Variants in HOXD11 observed in about 807,000 individuals in gnomAD.
HOXD11 encodes the protein homeobox protein Hox-D11.
In HOXD11, 16 loss-of-function variants were observed where a neutral mutation model predicts 23.1. The ratio of observed to expected loss-of-function variants is 0.69; its 90% CI spans 0.47 to 1.05. The LOEUF (loss-of-function observed/expected upper bound fraction) is 1.05. Among genes scored for constraint, HOXD11 ranks in the 50% least tolerant of loss-of-function variants. HOXD11 has a pLI of 0.00. For synonymous variants in HOXD11, 262 were observed against 224.4 expected (o/e 1.17, Z -1.50); for missense variants, 564 against 495.6 (o/e 1.14, Z -1.31).
the HOXD11 span, among the ~76,000 whole-genome samples, chr2:176,115,343 C>A: frequency 6.6e-6 from 1 of 152,162 alleles, no homozygotes; most frequent in East Asian, 1.9e-4. Flanking sequence ...CAACTTCTGA[C>A]AAAAGTATAG....
chr2:176,109,447 G>C lies in HOXD11; in HGVS notation c.*305G>C. On this transcript the variant is annotated 3_prime_UTR_variant, in exon 2 of 2. Coordinates refer to ENST00000249504, the MANE Select transcript of HOXD11 (RefSeq NM_021192.3). ...CGAGTCCTCGTGGGGACACGGCGGGGTCTGTAGGAAGTTGGGCCGGGTTGG... is the reference window on the plus strand; with the variant it reads ...CGAGTCCTCGTGGGGACACGGCGGGCTCTGTAGGAAGTTGGGCCGGGTTGG... The C allele has an allele frequency of 2.8e-6, 1 of 354,378 alleles. No individual in the cohort carries two copies. The highest frequency in any genetic ancestry group is 5.2e-6 in the Non-Finnish European group (1 of 193,540). The allele number at this position is 354,378 out of a possible 1,614,324, so 22.0% of individuals were successfully genotyped here.
At position 176,107,691 on chromosome 2, in the gene HOXD11, GGCGGCT is replaced by G; in HGVS notation, c.342_347del (p.Ala119_Ala120del). 1.0e-6 allele frequency: 1 copy of G among 1,003,458 alleles called. No homozygotes were observed. The highest frequency in any genetic ancestry group is 1.2e-6 in the Non-Finnish European group (1 of 844,780). 62.2% of individuals were successfully genotyped at this position (1,003,458 alleles called of 1,614,324 possible). On this transcript the variant is annotated inframe_deletion, in exon 1 of 2. Coordinates refer to ENST00000249504, the MANE Select transcript of HOXD11 (RefSeq NM_021192.3). ...CTCCCTACTACGCGGCGGCGGCGGC[GGCGGCT>G]GCGGCGGCCGCGGCGGCCGAGGAGG... is the stretch of plus-strand genomic sequence containing the variant.
Position 176,107,936 on chromosome 2 carries a change from A to G in HOXD11, c.581A>G (p.Gln194Arg). Residue 194 changes from glutamine (Q) to arginine (R), a missense_variant, in exon 1 of 2, where the codon CAG (glutamine) becomes CGG (arginine). Coordinates refer to ENST00000249504, the MANE Select transcript of HOXD11 (RefSeq NM_021192.3). ...CCCGGGCCCCCGTTCGCCGGGCCGC[A>G]GCCCCCGCCGCCACCCGCGCCGCCA... ...AAPGPPFAGPQPPPPPAPPQP... is the reference protein window; with the variant it reads ...AAPGPPFAGPRPPPPPAPPQP... 7.1e-7 allele frequency: 1 copy of G among 1,411,844 alleles called. No homozygotes were observed. The highest frequency in any genetic ancestry group is 1.5e-5 in the South Asian group (1 of 66,152). The allele number at this position is 1,411,844 out of a possible 1,614,324, so 87.5% of individuals were successfully genotyped here.
downstream of HOXD11, among the ~76,000 whole-genome samples, chr2:176,113,205 C>G (rs1210178146): frequency 1.3e-5 from 2 of 152,132 alleles, no homozygotes; most frequent in African/African-American, 4.8e-5. Flanking sequence ...GCTCTGTCCC[C>G]AAAGAGTGAC....
chr2:176,113,705 T>C (rs1468276546), downstream of HOXD11, among the ~76,000 whole-genome samples: 4 of 152,228 alleles, frequency 2.6e-5, no homozygotes, highest in Non-Finnish European at 5.9e-5. Flanking sequence ...TGACAGTCTC[T>C]TGTCTCAAGG....
chr2:176,107,399 A>G lies in HOXD11; in HGVS notation c.44A>G (p.Tyr15Cys). Reference protein sequence around the residue: ...DECGQSAASMYLPGCAYYVAP... With the variant: ...DECGQSAASMCLPGCAYYVAP... ...TGCGGCCAGAGCGCAGCCAGCATGT[A>G]CCTGCCGGGCTGCGCCTACTATGTG... Residue 15 changes from tyrosine to cysteine, a missense_variant, in exon 1 of 2, where the codon TAC (tyrosine) becomes TGC (cysteine). Tyr to Cys is a radical substitution (Grantham distance 194). Coordinates refer to ENST00000249504, the MANE Select transcript of HOXD11 (RefSeq NM_021192.3). 1 of 1,613,218 alleles carries G rather than the reference A, an allele frequency of 6.2e-7. No homozygotes were observed. Among genetic ancestry groups the G allele is most frequent in the South Asian group, 1.1e-5 (1 of 90,956 alleles).
chr2:176,113,558 G>T (rs1214050134), downstream of HOXD11, among the ~76,000 whole-genome samples: 1 of 152,162 alleles, frequency 6.6e-6, no homozygotes, highest in Non-Finnish European at 1.5e-5. Context: ...GGCCTGTAGA[G>T]CACGGCCTTT....
chr2:176,108,862 G>T (rs373363617), intron 1 of HOXD11, 45 bp from the exon 2 acceptor site: 1 of 1,439,132 alleles, frequency 6.9e-7, no homozygotes, highest in Non-Finnish European at 9.7e-7. Flanking sequence ...GGTGGGGGCT[G>T]TCAGGCAGCG....
In HOXD11 at chr2:176,109,625, G is replaced by A. The variant is rs1402321100; in HGVS notation, c.*483G>A. 1 of 222,090 alleles carries A rather than the reference G, an allele frequency of 4.5e-6. No homozygotes were observed. Among genetic ancestry groups the A allele is most frequent in the African/African-American group, 2.3e-5 (1 of 44,334 alleles). The allele number at this position is 222,090 out of a possible 1,614,324, so 13.8% of individuals were successfully genotyped here. ...CTGTCTTTTTTTGTGTGAATAAATG[G>A]TTTCTAGTAAAATGGAGGTTACAGC... On this transcript the variant is annotated 3_prime_UTR_variant, in exon 2 of 2. Transcript: ENST00000249504.
In HOXD11 at chr2:176,109,457, A is replaced by G. The variant is rs1689645653; in HGVS notation, c.*315A>G. The G allele has an allele frequency of 3.0e-6, 1 of 337,824 alleles. No individual in the cohort carries two copies. Among genetic ancestry groups the G allele is most frequent in the Non-Finnish European group, 5.4e-6 (1 of 183,638 alleles). The allele number at this position is 337,824 out of a possible 1,614,324, so 20.9% of individuals were successfully genotyped here. ...TGGGGACACGGCGGGGTCTGTAGGA[A>G]GTTGGGCCGGGTTGGGGGTTGCTAG... is the stretch of plus-strand genomic sequence containing the variant. On this transcript the variant is annotated 3_prime_UTR_variant, in exon 2 of 2. Transcript: ENST00000249504.
In HOXD11 at chr2:176,107,556, C is replaced by A. The variant is rs2105387106; in HGVS notation, c.201C>A (p.Gly67=). ...PVREVAFRDY[G]LERAKWPYRG... is the part of the protein sequence containing the mutation. ...GCGAAGTGGCCTTCCGCGACTACGGCCTGGAGCGCGCCAAGTGGCCGTACC... is the reference window on the plus strand; with the variant it reads ...GCGAAGTGGCCTTCCGCGACTACGGACTGGAGCGCGCCAAGTGGCCGTACC... Residue 67 remains glycine (G), a synonymous_variant, in exon 1 of 2, where the codon GGC becomes GGA. Coordinates refer to ENST00000249504, the MANE Select transcript of HOXD11 (RefSeq NM_021192.3). 6.3e-7 allele frequency: 1 copy of A among 1,596,702 alleles called. No individual in the cohort carries two copies. The highest frequency in any genetic ancestry group is 8.5e-7 in the Non-Finnish European group (1 of 1,172,026).
downstream of HOXD11, among the ~76,000 whole-genome samples, chr2:176,114,733 C>T (rs1400681859): frequency 6.6e-6 from 1 of 152,170 alleles, no homozygotes; most frequent in Non-Finnish European, 1.5e-5. Context: ...AATGCTGAGG[C>T]GCTTTAATGA....
downstream of HOXD11, among the ~76,000 whole-genome samples, chr2:176,113,605 G>A (rs1216827414): frequency 6.6e-6 from 1 of 152,114 alleles, no homozygotes; most frequent in Non-Finnish European, 1.5e-5. Flanking sequence ...TAGAGTCTTA[G>A]GCACACTTTC....
downstream of HOXD11, among the ~76,000 whole-genome samples, chr2:176,112,739 C>T (rs533551889): frequency 6.6e-6 from 1 of 152,360 alleles, no homozygotes; most frequent in African/African-American, 2.4e-5. Context: ...GCGGCCCCAG[C>T]GGCTGCACAT....
intron 1 of HOXD11, chr2:176,108,700 C>A: frequency 1.0e-4 from 39 of 383,860 alleles, no homozygotes; most frequent in Non-Finnish European, 1.2e-4. Context: ...TGTGTGTGTC[C>A]GGGCGTGAAC....
Position 176,108,966 on chromosome 2 carries a change from C to G in HOXD11, c.841C>G (p.Leu281Val). Residue 281 changes from leucine to valine, a missense_variant, in exon 2 of 2, where the codon CTG becomes GTG. Transcript: ENST00000249504. ...CTATACCAAGTACCAGATCCGCGAACTGGAACGCGAGTTTTTCTTTAACGT... is the reference window on the plus strand; with the variant it reads ...CTATACCAAGTACCAGATCCGCGAAGTGGAACGCGAGTTTTTCTTTAACGT... ...CPYTKYQIRELEREFFFNVYI... is the reference protein window; with the variant it reads ...CPYTKYQIREVEREFFFNVYI... 1.2e-6 allele frequency: 2 copies of G among 1,614,214 alleles called. No individual in the cohort carries two copies. The highest frequency in any genetic ancestry group is 8.5e-7 in the Non-Finnish European group (1 of 1,180,038).
downstream of HOXD11, among the ~76,000 whole-genome samples, chr2:176,112,694 G>C (rs1288761240): frequency 6.6e-6 from 1 of 152,232 alleles, no homozygotes; most frequent in African/African-American, 2.4e-5. Context: ...TGTGAAGTGA[G>C]AGCTGCCCTC....
In HOXD11 at chr2:176,107,301, A is replaced by T. The variant is rs924266396; in HGVS notation, c.-55A>T. 1 of 1,561,566 alleles carries T rather than the reference A, an allele frequency of 6.4e-7. No individual in the cohort carries two copies. On this transcript the variant is annotated 5_prime_UTR_variant, in exon 1 of 2. Coordinates refer to ENST00000249504, the MANE Select transcript of HOXD11 (RefSeq NM_021192.3). ...AAGCCTCTTGTGCAATCGATGGCTC[A>T]GGTTGGCTGCGCGGGGAGCGGCCAG...
At chr2:176,108,651 G>T in intron 1 of HOXD11, 1 of 416,926 alleles carries the variant, frequency 2.4e-6, no homozygotes, top group Non-Finnish European at 4.2e-6. Context: ...CCACCTCCGT[G>T]CCAGGCTCTG....
Sources: gnomAD v4.1 joint callset for allele counts (sites outside exome capture counted in the v4.1 genomes callset) on GRCh38, gnomAD v4.1.1 for gene constraint, MANE v1.5 for transcripts, NCBI Gene and HGNC (gene_info 2026-07-23, HGNC 2026-07-21) for gene names.